The following GALNT18 variants were observed in gnomAD, a reference collection of about 807,000 sequenced individuals.
GALNT18 encodes polypeptide N-acetylgalactosaminyltransferase 18.
Under a neutral mutation model 69.5 loss-of-function variants are expected in GALNT18, and 44 were observed. The observed-to-expected ratio is 0.63, with a 90% CI of 0.50 to 0.81. The LOEUF is 0.81. Among genes scored for constraint, GALNT18 ranks in the 40% least tolerant of loss-of-function variants. The pLI is 0.00. For missense variants in GALNT18, 715 were observed against 810.0 expected (o/e 0.88, Z 1.42); for synonymous variants, 364 against 318.2 (o/e 1.14, Z -1.53).
At chr11:11,451,271 G>T (rs1389406706) in intron 1 of GALNT18, among the ~76,000 whole-genome samples, 1 of 151,750 alleles carries the variant, frequency 6.6e-6, no homozygotes, top group Non-Finnish European at 1.5e-5. Flanking sequence ...TGGAATGGGG[G>T]GTAGTAAAAA....
At chr11:11,369,703 T>C (rs1437542722) in intron 6 of GALNT18, among the ~76,000 whole-genome samples, 1 of 152,206 alleles carries the variant, frequency 6.6e-6, no homozygotes, top group Non-Finnish European at 1.5e-5. Flanking sequence ...ATTTATATAA[T>C]CTTTCTGTTT....
rs1283556136 is a variant in GALNT18 at position 11,402,514 on chromosome 11, A to G, written c.596-23250T>C. 6.6e-6 allele frequency among the ~76,000 whole-genome samples: 1 copy of G among 152,234 alleles called. No individual in the cohort carries two copies. ...GCAAAATGATGAGCTTCTTTTGTCA[A>G]GGTGTCCATAGGCCTCTGCTCAGGG... On this transcript the variant is annotated intron_variant, in intron 3 of 10. Transcript: ENST00000227756. This position sits in a 1 kb window ranked among gnomAD's most constrained non-coding sequence, Gnocchi z 4.0.
intron 1 of GALNT18, among the ~76,000 whole-genome samples, chr11:11,612,720 C>A (rs1859940225): frequency 6.6e-6 from 1 of 152,230 alleles, no homozygotes; most frequent in African/African-American, 2.4e-5. Flanking sequence ...GGGAACTCTG[C>A]TCTGAGACTT....
intron 6 of GALNT18, among the ~76,000 whole-genome samples, chr11:11,349,654 G>A (rs1275495336): frequency 1.3e-5 from 2 of 152,160 alleles, no homozygotes; most frequent in African/African-American, 2.4e-5. Flanking sequence ...GCACATGAGC[G>A]GTGCTCAAAA....
chr11:11,394,559 C>T (rs1201447200), intron 3 of GALNT18, among the ~76,000 whole-genome samples: 1 of 152,216 alleles, frequency 6.6e-6, no homozygotes, highest in Admixed American at 6.5e-5. Flanking sequence ...TCTACTGTAG[C>T]AGCAGAAGGA....
chr11:11,494,490 G>A lies in GALNT18; in HGVS notation c.236-45554C>T, dbSNP rs373852301. Among the ~76,000 whole-genome samples the A allele has an allele frequency of 2.0e-5, 3 of 152,122 alleles. No individual in the cohort carries two copies. The highest frequency in any genetic ancestry group is 1.9e-4 in the East Asian group (1 of 5,192). On this transcript the variant is annotated intron_variant, in intron 1 of 10. Coordinates refer to ENST00000227756, the MANE Select transcript of GALNT18 (RefSeq NM_198516.3). This position sits in a 1 kb window ranked among gnomAD's most constrained non-coding sequence, Gnocchi z 5.7. ...GTCCTGCAAAGCTCAGCTCAAACTC[G>A]CCATCTCTTCCACAGCACTGACTGC...
At position 11,590,753 on chromosome 11, in the gene GALNT18, C is replaced by T. The variant is rs925052592; in HGVS notation, c.235+30606G>A. Among the ~76,000 whole-genome samples the T allele has an allele frequency of 6.6e-6, 1 of 152,154 alleles. No individual in the cohort carries two copies. The highest frequency in any genetic ancestry group is 2.4e-5 in the African/African-American group (1 of 41,440). On this transcript the variant is annotated intron_variant, in intron 1 of 10. Transcript: ENST00000227756. This position sits in a 1 kb window ranked among gnomAD's most constrained non-coding sequence, Gnocchi z 4.4. ...AATGGAGCCCAAAAATTCCTATTGC[C>T]TAGTAACATCACAGCCATCCTTATG...
chr11:11,519,089 G>C (rs76292266), intron 1 of GALNT18, among the ~76,000 whole-genome samples: 3,862 of 152,290 alleles, frequency 0.025, 127 homozygotes, highest in African/African-American at 0.071. Flanking sequence ...TCGATAGACT[G>C]TGCCCTGCAT....
In GALNT18 at chr11:11,439,912, A is replaced by G. The variant is rs6484912; in HGVS notation, c.429-7125T>C. On this transcript the variant is annotated intron_variant, in intron 2 of 10. Transcript: ENST00000227756. The surrounding 1 kb of genome is among the most constrained non-coding windows in gnomAD (Gnocchi z 4.4). The stretch of plus-strand genomic sequence containing the variant: ...GATGGAGGCAGGGTGGGGATACTAA[A>G]TATATCCAGGACTTCAGAGATTTGG... 1 allele frequency among the ~76,000 whole-genome samples: 152,267 copies of G among 152,352 alleles called. 76,091 individuals carry two copies. The highest frequency in any genetic ancestry group is 1 in the Non-Finnish European group (68,042 of 68,042).
At position 11,595,830 on chromosome 11, in the gene GALNT18, G is replaced by A. The variant is rs1025916880; in HGVS notation, c.235+25529C>T. On this transcript the variant is annotated intron_variant, in intron 1 of 10. Transcript: ENST00000227756. This position sits in a 1 kb window ranked among gnomAD's most constrained non-coding sequence, Gnocchi z 5.2. ...TCCCAAATATTTTCCCCAATTCATT[G>A]GATTATCATTTCAAGAGAATACTCG... Among the ~76,000 whole-genome samples the A allele has an allele frequency of 2.0e-5, 3 of 152,016 alleles. No individual in the cohort carries two copies. The highest frequency in any genetic ancestry group is 4.1e-4 in the South Asian group (2 of 4,822).
intron 1 of GALNT18, among the ~76,000 whole-genome samples, chr11:11,550,858 C>A (rs992838957): frequency 1.3e-5 from 2 of 152,140 alleles, no homozygotes; most frequent in African/African-American, 4.8e-5. Flanking sequence ...TGGCTACCAT[C>A]CTGAATATTG....
At chr11:11,468,551 A>AAT (rs1341633528) in intron 1 of GALNT18, among the ~76,000 whole-genome samples, 6 of 151,148 alleles carry the variant, frequency 4.0e-5, no homozygotes, top group Non-Finnish European at 3.0e-5. Context: ...GAAAAAAAAA[A>AAT]GCTTCCAACC....
At chr11:11,446,012 A>T (rs1163130689) in intron 2 of GALNT18, among the ~76,000 whole-genome samples, 2 of 152,214 alleles carry the variant, frequency 1.3e-5, no homozygotes, top group East Asian at 1.9e-4. Flanking sequence ...GGGCTCCCAC[A>T]TGCGCTCTCA....
At chr11:11,407,899 G>A (rs1854627617) in intron 3 of GALNT18, among the ~76,000 whole-genome samples, 2 of 152,192 alleles carry the variant, frequency 1.3e-5, no homozygotes, top group African/African-American at 2.4e-5. Context: ...CCTGTTGGAT[G>A]CACCGAGTGG....
rs565042219 is a variant in GALNT18 at position 11,586,830 on chromosome 11, A to G, written c.235+34529T>C. On this transcript the variant is annotated intron_variant, in intron 1 of 10. Coordinates refer to ENST00000227756, the MANE Select transcript of GALNT18 (RefSeq NM_198516.3). This position sits in a 1 kb window ranked among gnomAD's most constrained non-coding sequence, Gnocchi z 4.1. ...CTCTACTAAAAACACACACACACAC[A>G]CACAAAAAAAAGCCAGGTGTGGTGG... 1.2e-3 allele frequency among the ~76,000 whole-genome samples: 88 copies of G among 75,680 alleles called. 2 individuals carry two copies. In the South Asian group the frequency reaches 0.042, roughly 36 times the overall value. 49.6% of individuals were successfully genotyped at this position (75,680 alleles called of 152,430 possible).
chr11:11,387,339 C>G lies in GALNT18; in HGVS notation c.596-8075G>C, dbSNP rs1854081579. ...CCACGGCTTTTTGTCCCATTGTGGC[C>G]ACACCCCTCCTTCCTGGCTCAATGC... is the stretch of plus-strand genomic sequence containing the variant. On this transcript the variant is annotated intron_variant, in intron 3 of 10. Coordinates refer to ENST00000227756, the MANE Select transcript of GALNT18 (RefSeq NM_198516.3). This position sits in a 1 kb window ranked among gnomAD's most constrained non-coding sequence, Gnocchi z 4.6. Among the ~76,000 whole-genome samples, 1 of 152,058 alleles carries G rather than the reference C, an allele frequency of 6.6e-6. No individual in the cohort carries two copies. Among genetic ancestry groups the G allele is most frequent in the Non-Finnish European group, 1.5e-5 (1 of 68,024 alleles).
chr11:11,297,486 C>G (rs938532267), intron 9 of GALNT18, among the ~76,000 whole-genome samples: 1 of 152,132 alleles, frequency 6.6e-6, no homozygotes, highest in Non-Finnish European at 1.5e-5. Flanking sequence ...ATATGTGCGA[C>G]CACTCACCTC....
chr11:11,372,702 T>TG lies in GALNT18; in HGVS notation c.978-74_978-73insC. 5 of 1,127,742 alleles carry TG rather than the reference T, an allele frequency of 4.4e-6. No homozygotes were observed. The highest frequency in any genetic ancestry group is 1.3e-5 in the South Asian group (1 of 78,852). 69.9% of individuals were successfully genotyped at this position (1,127,742 alleles called of 1,614,324 possible). A position where few individuals can be genotyped will look rare whatever the true frequency, so the allele number is the denominator to read the frequency against. Reference sequence around the variant, plus strand: ...AGGAGTAAGAGCAGTAAGGCCTTCCTATCAGGAGGGTCTGGTTCTCTTCCT... The same window carrying TG: ...AGGAGTAAGAGCAGTAAGGCCTTCCTGATCAGGAGGGTCTGGTTCTCTTCCT... On this transcript the variant is annotated intron_variant, in intron 5 of 10. Transcript: ENST00000227756. This position sits in a 1 kb window ranked among gnomAD's most constrained non-coding sequence, Gnocchi z 4.9.
At chr11:11,416,942 C>A (rs1330139258) in intron 3 of GALNT18, among the ~76,000 whole-genome samples, 1 of 152,232 alleles carries the variant, frequency 6.6e-6, no homozygotes, top group Non-Finnish European at 1.5e-5. Context: ...CTGAGATGAG[C>A]CCCACCTGAC....
Sources: gnomAD v4.1 joint callset for allele counts (sites outside exome capture counted in the v4.1 genomes callset) on GRCh38, gnomAD v4.1.1 for gene constraint, Gnocchi (gnomAD v3.1) non-coding constraint, MANE v1.5 for transcripts, NCBI Gene and HGNC (gene_info 2026-07-23, HGNC 2026-07-21) for gene names.